Variants in CSGALNACT1 observed in about 807,000 individuals in gnomAD.
CSGALNACT1 encodes beta4GalNAcT-1.
CSGALNACT1 carries 52 observed loss-of-function variants against 51.0 expected under a neutral mutation model. The ratio of observed to expected loss-of-function variants is 1.02; its 90% CI spans 0.82 to 1.29. The LOEUF (loss-of-function observed/expected upper bound fraction) is 1.29, where lower values mean the gene tolerates loss of function less well. CSGALNACT1 is among the 50% of genes most tolerant of loss of function. The pLI is 0.00. For synonymous variants in CSGALNACT1, 341 were observed against 254.4 expected (o/e 1.34, Z -3.24); for missense variants, 935 against 679.2 (o/e 1.38, Z -4.19).
chr8:19,659,136 T>C (rs1234562946), intron 1 of CSGALNACT1, among the ~76,000 whole-genome samples: 1 of 152,220 alleles, frequency 6.6e-6, no homozygotes, highest in Non-Finnish European at 1.5e-5. Flanking sequence ...ATTTTAAAGT[T>C]TGATGTACCA....
intron 1 of CSGALNACT1, among the ~76,000 whole-genome samples, chr8:19,617,910 C>G (rs959404651): frequency 1.3e-5 from 2 of 152,090 alleles, no homozygotes; most frequent in Non-Finnish European, 2.9e-5. Flanking sequence ...GACAGATTCT[C>G]TCTCCATCAC....
At chr8:19,546,950 C>G (rs779090966) in intron 3 of CSGALNACT1, among the ~76,000 whole-genome samples, 17 of 152,344 alleles carry the variant, frequency 1.1e-4, no homozygotes, top group Non-Finnish European at 2.1e-4. Context: ...GCAGAGGGAG[C>G]TGAGAGTAGC....
intron 1 of CSGALNACT1, among the ~76,000 whole-genome samples, chr8:19,635,141 C>G (rs747178517): frequency 6.6e-6 from 1 of 152,212 alleles, no homozygotes; most frequent in Non-Finnish European, 1.5e-5. Context: ...CACTGCCGTG[C>G]CCTGGGCCTG....
At chr8:19,430,820 G>C (rs538123750) in intron 6 of CSGALNACT1, among the ~76,000 whole-genome samples, 4 of 152,242 alleles carry the variant, frequency 2.6e-5, no homozygotes, top group African/African-American at 9.6e-5. Context: ...ATGAACATGG[G>C]ATGTCTTTCC....
intron 4 of CSGALNACT1, among the ~76,000 whole-genome samples, chr8:19,496,783 C>T: frequency 6.6e-6 from 1 of 152,140 alleles, no homozygotes; most frequent in Non-Finnish European, 1.5e-5. Context: ...AAGCAAGGCT[C>T]AGTGCAGATG....
chr8:19,569,718 C>T (rs1353443751), intron 3 of CSGALNACT1, among the ~76,000 whole-genome samples: 3 of 152,010 alleles, frequency 2.0e-5, no homozygotes, highest in African/African-American at 7.3e-5. Context: ...ATGCTATGAC[C>T]CAGTAAGTCA....
chr8:19,521,052 G>C (rs1248297622), intron 3 of CSGALNACT1, among the ~76,000 whole-genome samples: 1 of 152,150 alleles, frequency 6.6e-6, no homozygotes, highest in Non-Finnish European at 1.5e-5. Context: ...TGGAGCGTAA[G>C]GGCAAAAGGG....
intron 1 of CSGALNACT1, among the ~76,000 whole-genome samples, chr8:19,647,697 A>G (rs955824469): frequency 6.6e-6 from 1 of 152,214 alleles, no homozygotes; most frequent in African/African-American, 2.4e-5. Context: ...GAAATTGCAA[A>G]TATCTTCAAT....
intron 3 of CSGALNACT1, among the ~76,000 whole-genome samples, chr8:19,508,829 T>C (rs896110961): frequency 6.6e-6 from 1 of 152,244 alleles, no homozygotes; most frequent in African/African-American, 2.4e-5. Context: ...GTTGGCTAAC[T>C]GAACACTATT....
At chr8:19,579,336 C>G (rs548220458) in intron 3 of CSGALNACT1, among the ~76,000 whole-genome samples, 7 of 152,338 alleles carry the variant, frequency 4.6e-5, no homozygotes, top group African/African-American at 1.7e-4. Flanking sequence ...AACTTCTTGG[C>G]TGACAGGGTC....
At chr8:19,547,647 T>A (rs1268001620) in intron 3 of CSGALNACT1, among the ~76,000 whole-genome samples, 1 of 152,194 alleles carries the variant, frequency 6.6e-6, no homozygotes, top group African/African-American at 2.4e-5. Context: ...TCTTTACAAA[T>A]TACCCAGTCT....
intron 4 of CSGALNACT1, among the ~76,000 whole-genome samples, chr8:19,502,179 C>T (rs1181949744): frequency 6.6e-6 from 1 of 152,206 alleles, no homozygotes; most frequent in Non-Finnish European, 1.5e-5. Flanking sequence ...GGGGAGGTGG[C>T]TTGTCCTGCC....
intron 1 of CSGALNACT1, among the ~76,000 whole-genome samples, chr8:19,722,347 T>A (rs557045688): frequency 2.6e-5 from 4 of 152,358 alleles, no homozygotes; most frequent in Non-Finnish European, 5.9e-5. Flanking sequence ...TGTTTTATGA[T>A]GCCTTTAGCT....
At chr8:19,594,408 G>T (rs977257467) in intron 2 of CSGALNACT1, among the ~76,000 whole-genome samples, 10 of 152,034 alleles carry the variant, frequency 6.6e-5, no homozygotes, top group African/African-American at 9.7e-5. Context: ...TAAAGTACGT[G>T]GTATCAAATT....
rs572841531 is a variant in CSGALNACT1, at chr8:19,542,296, T to C, written c.-296-36166A>G. Among the ~76,000 whole-genome samples the C allele has an allele frequency of 3.9e-5, 6 of 152,014 alleles. No homozygotes were observed. In the South Asian group the frequency reaches 1.2e-3, roughly 32 times the overall value. ...TCAAAGGAAAGCCATTGAAATTCCCTATAAAGAAAACACTGTCCGTCAAAC... is the reference window on the plus strand; with the variant it reads ...TCAAAGGAAAGCCATTGAAATTCCCCATAAAGAAAACACTGTCCGTCAAAC... On this transcript the variant is annotated intron_variant, in intron 3 of 9. Transcript: ENST00000454498.
chr8:19,618,301 G>A (rs1249336439), intron 1 of CSGALNACT1, among the ~76,000 whole-genome samples: 1 of 152,056 alleles, frequency 6.6e-6, no homozygotes. Context: ...TGACACAGAG[G>A]ACTATGTACT....
intron 2 of CSGALNACT1, among the ~76,000 whole-genome samples, chr8:19,601,267 A>C (rs2050369238): frequency 6.6e-6 from 1 of 152,228 alleles, no homozygotes; most frequent in Non-Finnish European, 1.5e-5. Flanking sequence ...TGTCCCTCTA[A>C]GACACCATAT....
chr8:19,667,612 G>T (rs770654157), intron 1 of CSGALNACT1, among the ~76,000 whole-genome samples: 17 of 152,156 alleles, frequency 1.1e-4, no homozygotes, highest in Admixed American at 2.6e-4. Flanking sequence ...GGCCCTTAAT[G>T]CAACATGACC....
At chr8:19,723,005 T>G (rs546536974) in intron 1 of CSGALNACT1, among the ~76,000 whole-genome samples, 51 of 152,350 alleles carry the variant, frequency 3.3e-4, no homozygotes, top group African/African-American at 1.1e-3. Flanking sequence ...GGACAAAGAT[T>G]AGATAAGTGA....
Sources: gnomAD v4.1 joint callset for allele counts (sites outside exome capture counted in the v4.1 genomes callset) on GRCh38, gnomAD v4.1.1 for gene constraint, MANE v1.5 for transcripts, NCBI Gene and HGNC (gene_info 2026-07-23, HGNC 2026-07-21) for gene names.